Variants in ICE2 observed in about 807,000 individuals in gnomAD.
ICE2 encodes little elongation complex subunit 2.
A neutral mutation model predicts 105.4 loss-of-function variants in ICE2; 87 were observed. The observed-to-expected ratio is 0.83, with a 90% CI of 0.69 to 0.99. The LOEUF (loss-of-function observed/expected upper bound fraction) is 0.99, where lower values mean the gene tolerates loss of function less well. ICE2 is among the 50% of genes least tolerant of loss of function. The pLI is 0.00. For synonymous variants in ICE2, 399 were observed against 392.0 expected (o/e 1.02, Z -0.21); for missense variants, 1,323 against 1,146.7 (o/e 1.15, Z -2.22).
At chr15:60,464,430 G>A (rs1421599962) in intron 5 of ICE2, among the ~76,000 whole-genome samples, 1 of 152,182 alleles carries the variant, frequency 6.6e-6, no homozygotes, top group Non-Finnish European at 1.5e-5. Flanking sequence ...AAAGGGAAAA[G>A]TGAGGGTCAT....
At chr15:60,431,773 A>G (rs74017196) in intron 14 of ICE2, among the ~76,000 whole-genome samples, 161 bp downstream of exon 14, 344 of 152,354 alleles carry the variant, frequency 2.3e-3, no homozygotes, top group African/African-American at 7.2e-3. Context: ...ATACTAAATT[A>G]CTTTATATTT....
Position 60,454,988 on chromosome 15 carries a change from T to C in ICE2, c.943+15A>G, listed in dbSNP as rs777715510. 13 of 1,530,476 alleles carry C rather than the reference T, an allele frequency of 8.5e-6. No individual in the cohort carries two copies. The highest frequency in any genetic ancestry group is 1.8e-4 in the Middle Eastern group (1 of 5,682). The allele number at this position is 1,530,476 out of a possible 1,614,324, so 94.8% of individuals were successfully genotyped here. A position where few individuals can be genotyped will look rare whatever the true frequency, so the allele number is the denominator to read the frequency against. On this transcript the variant is annotated intron_variant, in intron 8 of 15. Transcript: ENST00000261520. ...TCTTTTTTGAGAGCATTATTTGACA[T>C]AGCAAATTACAAACCTGCAACAGGT...
intron 3 of ICE2, among the ~76,000 whole-genome samples, chr15:60,471,929 G>A (rs2064608433): frequency 6.6e-6 from 1 of 151,766 alleles, no homozygotes; most frequent in African/African-American, 2.4e-5. Context: ...TATCTTCTGA[G>A]TTTGATTTAT....
chr15:60,419,938 T>G lies in ICE2; in HGVS notation c.*3696A>C, dbSNP rs948937408. On this transcript the variant is annotated 3_prime_UTR_variant, in exon 16 of 16. Coordinates refer to ENST00000261520, the MANE Select transcript of ICE2 (RefSeq NM_024611.6). ...TCTCCCTTCAAGGGTGGAGCTTAAG[T>G]GTGGGCTTAGCGACTTACTAATCCT... 1.3e-5 allele frequency: 2 copies of G among 152,242 alleles called. No individual in the cohort carries two copies. Among genetic ancestry groups the G allele is most frequent in the Admixed American group, 6.5e-5 (1 of 15,284 alleles). 9.4% of individuals were successfully genotyped at this position (152,242 alleles called of 1,614,324 possible). A position where few individuals can be genotyped will look rare whatever the true frequency, so the allele number is the denominator to read the frequency against.
chr15:60,476,562 A>G (rs1347680211), intron 2 of ICE2, among the ~76,000 whole-genome samples: 1 of 152,220 alleles, frequency 6.6e-6, no homozygotes, highest in African/African-American at 2.4e-5. Context: ...ACACTTCTCA[A>G]CTTATTTTTG....
At chr15:60,471,047 C>T (rs781444422) in intron 3 of ICE2, among the ~76,000 whole-genome samples, 32 of 151,936 alleles carry the variant, frequency 2.1e-4, no homozygotes, top group South Asian at 6.2e-4. Context: ...AGAATAAATA[C>T]GGCAAAAATT....
At chr15:60,452,944 A>C in intron 9 of ICE2, 1 of 985,464 alleles carries the variant, frequency 1.0e-6, no homozygotes, top group Non-Finnish European at 1.2e-6. Context: ...AAACTCTTAG[A>C]TATGGGTCAG....
intron 2 of ICE2, 48 bp from the exon 3 acceptor site, chr15:60,476,215 G>T: frequency 8.3e-7 from 1 of 1,199,808 alleles, no homozygotes; most frequent in Non-Finnish European, 1.2e-6. Context: ...AAAATCTCAT[G>T]CTAGACTATG....
intron 3 of ICE2, among the ~76,000 whole-genome samples, chr15:60,472,812 A>G (rs902779830): frequency 1.3e-5 from 2 of 152,228 alleles, no homozygotes; most frequent in African/African-American, 4.8e-5. Context: ...ACATGGCAAG[A>G]CACCAACTCT....
In ICE2 at chr15:60,428,682, T is replaced by C. The variant is rs767196034; in HGVS notation, c.2567A>G (p.Gln856Arg). The C allele has an allele frequency of 2.5e-6, 4 of 1,612,906 alleles. No individual in the cohort carries two copies. The highest frequency in any genetic ancestry group is 2.2e-5 in the South Asian group (2 of 91,038). Residue 856 changes from glutamine (Q) to arginine (R), a missense_variant, in exon 15 of 16, where the codon CAG becomes CGG. Physicochemically the swap from Gln to Arg is conservative, Grantham distance 43. Coordinates refer to ENST00000261520, the MANE Select transcript of ICE2 (RefSeq NM_024611.6). ...ATGAGATAACAAGTAGGAACCCTCC[T>C]GCAAGCTAAATTCACACAATGAAAC... The part of the protein sequence containing the change: ...QHILKKLSSL[Q>R]EGSYLLSHAA...
At chr15:60,438,433 C>T (rs2063644604) in intron 12 of ICE2, 2 of 152,100 alleles carry the variant, frequency 1.3e-5, no homozygotes. Context: ...TGGCTTCCTT[C>T]TAAGACACCA....
intron 14 of ICE2, 144 bp from the exon 15 acceptor site, chr15:60,428,831 T>A: frequency 1.2e-6 from 1 of 862,696 alleles, no homozygotes; most frequent in African/African-American, 1.7e-5. Flanking sequence ...AAATAAGATT[T>A]AAGAAATCTT....
intron 15 of ICE2, among the ~76,000 whole-genome samples, chr15:60,426,330 G>C (rs777867400): frequency 1.3e-5 from 2 of 152,120 alleles, no homozygotes; most frequent in Non-Finnish European, 2.9e-5. Flanking sequence ...TATTACAACG[G>C]CATACAGTAT....
At chr15:60,456,633 A>T (rs767127193) in intron 6 of ICE2, 24 bp downstream of exon 6, 1 of 1,512,712 alleles carries the variant, frequency 6.6e-7, no homozygotes, top group African/African-American at 1.4e-5. Context: ...AAAAAAGCTT[A>T]TATCGTCTGA....
At chr15:60,452,801 G>A (rs1299519238) in intron 9 of ICE2, 2 of 942,522 alleles carry the variant, frequency 2.1e-6, no homozygotes, top group Non-Finnish European at 2.5e-6. Flanking sequence ...TTACAGATAA[G>A]CAAACTAGAC....
chr15:60,433,177 T>A (rs1256846035), intron 13 of ICE2, among the ~76,000 whole-genome samples: 2 of 150,812 alleles, frequency 1.3e-5, no homozygotes, highest in Non-Finnish European at 1.5e-5. Flanking sequence ...AAGCTCTGCC[T>A]CCCGGGTTCA....
At position 60,453,439 on chromosome 15, in the gene ICE2, T is replaced by TTCG. The variant is rs1297364380; in HGVS notation, c.1125+163_1125+164insCGA. 5 of 1,392,874 alleles carry TTCG rather than the reference T, an allele frequency of 3.6e-6. No homozygotes were observed. In the East Asian group the frequency reaches 1.3e-4, roughly 36 times the overall value. 86.3% of individuals were successfully genotyped at this position (1,392,874 alleles called of 1,614,324 possible). ...AGGAGAAAACTTAGGCTGAGGGAGGTTAAGTTAGTTGCCTAAAGTCCAGCT... is the reference window on the plus strand; with the variant it reads ...AGGAGAAAACTTAGGCTGAGGGAGGTTCGTAAGTTAGTTGCCTAAAGTCCAGCT... On this transcript the variant is annotated intron_variant, in intron 9 of 15. Coordinates refer to ENST00000261520, the MANE Select transcript of ICE2 (RefSeq NM_024611.6).
At chr15:60,470,719 T>C (rs754718664) in intron 3 of ICE2, among the ~76,000 whole-genome samples, 97 of 152,342 alleles carry the variant, frequency 6.4e-4, no homozygotes, top group Non-Finnish European at 1.2e-3. Context: ...TGAACTGTAT[T>C]CATTTTAACT....
intron 2 of ICE2, 21 bp from the exon 3 acceptor site, chr15:60,476,188 C>T (rs552284423): frequency 6.8e-7 from 1 of 1,474,950 alleles, no homozygotes; most frequent in East Asian, 2.3e-5. Flanking sequence ...AAGTAATTTA[C>T]TTACATTTGA....
Sources: allele counts gnomAD v4.1 joint callset (sites outside exome capture counted in the v4.1 genomes callset), GRCh38; gene constraint gnomAD v4.1.1; transcripts MANE v1.5; gene names NCBI Gene and HGNC (gene_info 2026-07-23, HGNC 2026-07-21).